The following GPR137B variants were observed in gnomAD, a reference collection of about 807,000 sequenced individuals.
The protein encoded by GPR137B is G protein-coupled receptor 137B.
GPR137B carries 42 observed loss-of-function variants against 42.5 expected under a neutral mutation model. That is an observed-to-expected ratio of 0.99 (90% CI 0.77 to 1.28). GPR137B has a LOEUF of 1.28. Ranked by LOEUF, GPR137B falls within the 50% of genes most tolerant of loss-of-function variation. GPR137B has a pLI of 0.00. For missense variants in GPR137B, 487 were observed against 493.9 expected, an observed-to-expected ratio of 0.99 and a Z score of 0.13; for synonymous variants, 218 against 209.7, an observed-to-expected ratio of 1.04 and a Z score of -0.34.
chr1:236,182,083 G>C (rs1226047828), intron 4 of GPR137B, among the ~76,000 whole-genome samples: 1 of 151,706 alleles, frequency 6.6e-6, no homozygotes, highest in East Asian at 1.9e-4. Flanking sequence ...TAGTAGAGAC[G>C]GGTTTCATCA....
rs1000751211 is a variant in GPR137B at position 236,199,881 on chromosome 1, T to C, written c.967-5245T>C. Among the ~76,000 whole-genome samples, 3 of 152,152 alleles carry C rather than the reference T, an allele frequency of 2.0e-5. 1 individual carries two copies. In the South Asian group the frequency reaches 6.2e-4, roughly 32 times the overall value. ...TTCTGCTCTGATCTTTGTTATTTCTTTTCTTCTGCTGGGTTTGGGTTTGGT... is the reference window on the plus strand; with the variant it reads ...TTCTGCTCTGATCTTTGTTATTTCTCTTCTTCTGCTGGGTTTGGGTTTGGT... On this transcript the variant is annotated intron_variant, in intron 5 of 6. Transcript: ENST00000366592.
chr1:236,149,289 G>A (rs1338131282), intron 1 of GPR137B, among the ~76,000 whole-genome samples: 3 of 152,288 alleles, frequency 2.0e-5, no homozygotes, highest in African/African-American at 4.8e-5. Context: ...AGGCACTGGG[G>A]GTCCAGCAGC....
intron 1 of GPR137B, among the ~76,000 whole-genome samples, chr1:236,143,335 C>T (rs1197759647): frequency 6.6e-6 from 1 of 152,278 alleles, no homozygotes; most frequent in Non-Finnish European, 1.5e-5. Flanking sequence ...TCTCCGTGCG[C>T]AGCGCGAAGC....
intron 1 of GPR137B, among the ~76,000 whole-genome samples, chr1:236,157,451 C>T (rs1180641603): frequency 1.3e-5 from 2 of 152,148 alleles, no homozygotes; most frequent in Non-Finnish European, 2.9e-5. Flanking sequence ...TCTTGATCTC[C>T]TGACCTCATG....
chr1:236,156,436 G>A lies in GPR137B; in HGVS notation c.415-12270G>A, dbSNP rs1338504722. 1.3e-5 allele frequency among the ~76,000 whole-genome samples: 2 copies of A among 152,176 alleles called. No individual in the cohort carries two copies. Among genetic ancestry groups the A allele is most frequent in the African/African-American group, 4.8e-5 (2 of 41,426 alleles). ...TCTGGCCAGTTACCTTCACTGCCACGGACACAGGACTATGAGTGGGGCTGT... is the reference window on the plus strand; with the variant it reads ...TCTGGCCAGTTACCTTCACTGCCACAGACACAGGACTATGAGTGGGGCTGT... On this transcript the variant is annotated intron_variant, in intron 1 of 6. Coordinates refer to ENST00000366592, the MANE Select transcript of GPR137B (RefSeq NM_003272.4). The surrounding 1 kb of genome is among the most constrained non-coding windows in gnomAD (Gnocchi z 4.8).
chr1:236,145,022 C>T (rs1310470692), intron 1 of GPR137B, among the ~76,000 whole-genome samples: 6 of 152,242 alleles, frequency 3.9e-5, no homozygotes, highest in African/African-American at 1.4e-4. Flanking sequence ...CCCAAAGTCA[C>T]GGCCCTGTAC....
At chr1:236,177,782 C>T (rs1197134845) in intron 2 of GPR137B, among the ~76,000 whole-genome samples, 1 of 151,922 alleles carries the variant, frequency 6.6e-6, no homozygotes, top group Non-Finnish European at 1.5e-5. Context: ...TCTTGAACTC[C>T]TGACCTCAAG....
At chr1:236,205,380 C>T in intron 6 of GPR137B, 130 bp downstream of exon 6, 2 of 704,882 alleles carry the variant, frequency 2.8e-6, no homozygotes, top group Non-Finnish European at 4.7e-6. Context: ...ACTGGATTCT[C>T]AGTAGATCAT....
rs1558478143 is a variant in GPR137B, at chr1:236,150,261, T to G, written c.414+7225T>G. ...TCTGTGCCCGTGTGTGTGCCTGTGT[T>G]TGTGTGTGTCTGTGCCTGTGTGTGT... On this transcript the variant is annotated intron_variant, in intron 1 of 6. Transcript: ENST00000366592. This position sits in a 1 kb window ranked among gnomAD's most constrained non-coding sequence, Gnocchi z 6.2. Among the ~76,000 whole-genome samples the G allele has an allele frequency of 6.9e-6, 1 of 143,964 alleles. No homozygotes were observed. The highest frequency in any genetic ancestry group is 2.6e-5 in the African/African-American group (1 of 38,494). The allele number at this position is 143,964 out of a possible 152,430, so 94.4% of individuals were successfully genotyped here. A position where few individuals can be genotyped will look rare whatever the true frequency, so the allele number is the denominator to read the frequency against.
chr1:236,154,767 G>A (rs1661968025), intron 1 of GPR137B, among the ~76,000 whole-genome samples: 2 of 152,088 alleles, frequency 1.3e-5, no homozygotes, highest in Non-Finnish European at 1.5e-5. Flanking sequence ...TTATTTTGTA[G>A]TTTTTGCATC....
At chr1:236,145,501 G>A (rs944249952) in intron 1 of GPR137B, among the ~76,000 whole-genome samples, 2 of 152,156 alleles carry the variant, frequency 1.3e-5, no homozygotes, top group African/African-American at 4.8e-5. Context: ...TGGGACTACA[G>A]GTGTGTGCCA....
At chr1:236,168,460 T>C (rs1662430546) in intron 1 of GPR137B, among the ~76,000 whole-genome samples, 1 of 151,878 alleles carries the variant, frequency 6.6e-6, no homozygotes, top group African/African-American at 2.4e-5. Context: ...ACAGAAGTAC[T>C]TGGCCATGGT....
At chr1:236,184,874 C>G (rs1002106440) in intron 5 of GPR137B, among the ~76,000 whole-genome samples, 1 of 152,114 alleles carries the variant, frequency 6.6e-6, no homozygotes, top group African/African-American at 2.4e-5. Flanking sequence ...TTAAGCGATT[C>G]TCCTGCCTCA....
At chr1:236,149,847 C>T (rs535176646) in intron 1 of GPR137B, among the ~76,000 whole-genome samples, 46 of 152,340 alleles carry the variant, frequency 3.0e-4, no homozygotes, top group African/African-American at 7.0e-4. Context: ...CCTAGGTGTG[C>T]GCCTTTGTAT....
At chr1:236,179,452 T>C (rs1571989682) in intron 3 of GPR137B, among the ~76,000 whole-genome samples, 1 of 152,266 alleles carries the variant, frequency 6.6e-6, no homozygotes, top group East Asian at 1.9e-4. Context: ...AGAGCCGTCC[T>C]GAGCTCTGCC....
intron 4 of GPR137B, among the ~76,000 whole-genome samples, chr1:236,181,744 A>G (rs1662881928): frequency 6.6e-6 from 1 of 152,206 alleles, no homozygotes; most frequent in Admixed American, 6.5e-5. Context: ...GATGGCAGAA[A>G]GCTGGGCAAG....
chr1:236,145,479 C>T (rs1661657534), intron 1 of GPR137B, among the ~76,000 whole-genome samples: 1 of 152,192 alleles, frequency 6.6e-6, no homozygotes, highest in South Asian at 2.1e-4. Context: ...CTACCTCAGC[C>T]TCCTAAGTAG....
intron 1 of GPR137B, among the ~76,000 whole-genome samples, chr1:236,154,404 G>A (rs1661954654): frequency 6.6e-6 from 1 of 151,992 alleles, no homozygotes; most frequent in Non-Finnish European, 1.5e-5. Context: ...CTCTGCTTGG[G>A]GTCAGCTAGT....
intron 1 of GPR137B, among the ~76,000 whole-genome samples, chr1:236,149,711 C>T (rs761358915): frequency 3.2e-4 from 49 of 152,360 alleles, no homozygotes; most frequent in Non-Finnish European, 5.6e-4. Flanking sequence ...ACAGACAAGG[C>T]GGGCCAAGGG....
Sources: allele counts gnomAD v4.1 joint callset (sites outside exome capture counted in the v4.1 genomes callset), GRCh38; gene constraint gnomAD v4.1.1; non-coding constraint Gnocchi (gnomAD v3.1); transcripts MANE v1.5; gene names NCBI Gene and HGNC (gene_info 2026-07-23, HGNC 2026-07-21).